Variants in NKAIN2 observed in about 807,000 individuals in gnomAD.
The protein encoded by NKAIN2 is sodium/potassium transporting ATPase interacting 2.
A neutral mutation model predicts 32.6 loss-of-function variants in NKAIN2; 14 were observed. The observed-to-expected ratio is 0.43, with a 90% CI of 0.28 to 0.67. The LOEUF is 0.67. NKAIN2 is among the 30% of genes least tolerant of loss of function. NKAIN2 has a pLI of 0.17. For missense variants in NKAIN2, 198 were observed against 258.3 expected (o/e 0.77, Z 1.60); for synonymous variants, 80 against 87.2 (o/e 0.92, Z 0.46).
chr6:124,640,965 T>C (rs565725219), intron 3 of NKAIN2, among the ~76,000 whole-genome samples: 1 of 152,318 alleles, frequency 6.6e-6, no homozygotes, highest in East Asian at 1.9e-4. Flanking sequence ...CAAAATTCTT[T>C]GTATTCTAGC....
intron 1 of NKAIN2, among the ~76,000 whole-genome samples, chr6:124,273,490 T>G (rs1174756861): frequency 1.3e-5 from 2 of 152,194 alleles, no homozygotes; most frequent in Non-Finnish European, 2.9e-5. Flanking sequence ...AATTACCCAG[T>G]CTCAGGTAGT....
chr6:124,323,239 T>C (rs1427112137), intron 2 of NKAIN2, among the ~76,000 whole-genome samples: 2 of 152,162 alleles, frequency 1.3e-5, no homozygotes, highest in African/African-American at 4.8e-5. Context: ...TTCATACTTT[T>C]AGTAGGGACT....
intron 3 of NKAIN2, among the ~76,000 whole-genome samples, chr6:124,518,557 T>C (rs949020097): frequency 6.6e-6 from 1 of 152,088 alleles, no homozygotes; most frequent in Non-Finnish European, 1.5e-5. Flanking sequence ...CACACACTTG[T>C]ACATAACCAG....
intron 1 of NKAIN2, among the ~76,000 whole-genome samples, chr6:123,955,196 C>CAAAAAAAAAAAAAAAAAA (rs5879708): frequency 1.9e-5 from 2 of 105,016 alleles, no homozygotes; most frequent in African/African-American, 3.2e-5. Context: ...ACAGAAAAAC[C>CAAAAAAAAAAAAAAAAAA]AAAAAAAAAA....
chr6:124,244,706 T>A (rs1582915634), intron 1 of NKAIN2, among the ~76,000 whole-genome samples: 3 of 152,190 alleles, frequency 2.0e-5, no homozygotes, highest in Non-Finnish European at 4.4e-5. Flanking sequence ...TTAAGCACCG[T>A]AAGGACTAGA....
chr6:123,997,622 G>A (rs1233975022), intron 1 of NKAIN2, among the ~76,000 whole-genome samples: 1 of 40,242 alleles, frequency 2.5e-5, no homozygotes, highest in South Asian at 8.4e-4. Context: ...TTTTTTTTTT[G>A]AGACAGAGTC....
At chr6:124,776,995 A>G (rs1041525794) in intron 4 of NKAIN2, among the ~76,000 whole-genome samples, 6 of 152,186 alleles carry the variant, frequency 3.9e-5, no homozygotes, top group Non-Finnish European at 5.9e-5. Context: ...TATCATTAAT[A>G]AAGAGAAATA....
intron 3 of NKAIN2, among the ~76,000 whole-genome samples, chr6:124,487,220 G>A (rs906773634): frequency 6.6e-6 from 1 of 151,998 alleles, no homozygotes; most frequent in Non-Finnish European, 1.5e-5. Context: ...TTCACTCAGA[G>A]TCTCTACTCA....
chr6:124,711,847 T>A (rs1775483222), intron 4 of NKAIN2, among the ~76,000 whole-genome samples: 1 of 152,194 alleles, frequency 6.6e-6, no homozygotes, highest in African/African-American at 2.4e-5. Flanking sequence ...TCAAGCTTTG[T>A]TCCATTGCTG....
intron 3 of NKAIN2, among the ~76,000 whole-genome samples, chr6:124,451,578 G>A (rs1776110100): frequency 6.6e-6 from 1 of 152,090 alleles, no homozygotes; most frequent in Admixed American, 6.6e-5. Context: ...GACCAATTAT[G>A]ATTTATACAT....
intron 2 of NKAIN2, among the ~76,000 whole-genome samples, chr6:124,308,716 T>C (rs1375870707): frequency 6.6e-6 from 1 of 152,184 alleles, no homozygotes; most frequent in Non-Finnish European, 1.5e-5. Flanking sequence ...TGCTAGTTGG[T>C]ACCTATTTCA....
chr6:124,441,574 C>T (rs2114596876), intron 3 of NKAIN2, among the ~76,000 whole-genome samples: 2 of 152,110 alleles, frequency 1.3e-5, no homozygotes, highest in Middle Eastern at 6.8e-3. Context: ...AGGAGTTTAC[C>T]CACAGACTCA....
intron 1 of NKAIN2, among the ~76,000 whole-genome samples, chr6:124,210,950 TGC>T (rs1791143386): frequency 1.3e-5 from 2 of 150,404 alleles, no homozygotes; most frequent in Admixed American, 1.3e-4. Flanking sequence ...CTTCTCTAAT[TGC>T]CCTGGCAAGG....
intron 1 of NKAIN2, among the ~76,000 whole-genome samples, chr6:124,224,170 G>A (rs991953509): frequency 7.2e-5 from 11 of 151,972 alleles, no homozygotes; most frequent in East Asian, 1.9e-4. Context: ...ATTAATTTAC[G>A]TACAGTATGC....
At chr6:124,100,939 T>TGTCTTC (rs1167202374) in intron 1 of NKAIN2, among the ~76,000 whole-genome samples, 2 of 152,214 alleles carry the variant, frequency 1.3e-5, no homozygotes, top group Non-Finnish European at 2.9e-5. Flanking sequence ...AAGACAATTT[T>TGTCTTC]ATGTCTGAGT....
intron 3 of NKAIN2, among the ~76,000 whole-genome samples, chr6:124,563,831 C>T (rs763243449): frequency 9.2e-5 from 14 of 151,910 alleles, no homozygotes; most frequent in East Asian, 1.9e-4. Context: ...GGTGTCTCCC[C>T]GAGGGAAAGT....
intron 1 of NKAIN2, among the ~76,000 whole-genome samples, chr6:123,938,128 G>A (rs1338203022): frequency 6.6e-6 from 1 of 151,804 alleles, no homozygotes; most frequent in African/African-American, 2.4e-5. Flanking sequence ...ACTGCTAGCT[G>A]AATTTTCTGT....
At chr6:124,460,709 G>T (rs956540283) in intron 3 of NKAIN2, among the ~76,000 whole-genome samples, 10 of 151,338 alleles carry the variant, frequency 6.6e-5, no homozygotes, top group Admixed American at 5.9e-4. Context: ...AAAGTGATTT[G>T]TTAACTGCTT....
chr6:124,681,098 G>A lies in NKAIN2; in HGVS notation c.474+22712G>A, dbSNP rs1773600464. Reference sequence around the variant, plus strand: ...TCTTTGTTTTATAGATGAGAACACTGAGTCATACAGCTGAATCCTTCCAGG... The same window carrying A: ...TCTTTGTTTTATAGATGAGAACACTAAGTCATACAGCTGAATCCTTCCAGG... On this transcript the variant is annotated intron_variant, in intron 4 of 6. Transcript: ENST00000368417. Among the ~76,000 whole-genome samples the A allele has an allele frequency of 2.6e-5, 4 of 151,924 alleles. No homozygotes were observed. The South Asian group carries it at 8.3e-4, about 31-fold the overall frequency.
Sources: allele counts gnomAD v4.1 joint callset (sites outside exome capture counted in the v4.1 genomes callset), GRCh38; gene constraint gnomAD v4.1.1; transcripts MANE v1.5; gene names NCBI Gene and HGNC (gene_info 2026-07-23, HGNC 2026-07-21).